RBFOX1: variants seen among roughly 807,000 people sequenced by gnomAD.
RBFOX1 encodes the protein RNA binding fox-1 homolog 1.
Under a neutral mutation model 57.7 loss-of-function variants are expected in RBFOX1, and 8 were observed. The ratio of observed to expected loss-of-function variants is 0.14; its 90% confidence interval spans 0.08 to 0.25. The LOEUF (loss-of-function observed/expected upper bound fraction) is 0.25, where lower values mean the gene tolerates loss of function less well. Among genes scored for constraint, RBFOX1 ranks in the 10% least tolerant of loss-of-function variants. The pLI is 1.00. For synonymous variants in RBFOX1, 326 were observed against 222.4 expected, an observed-to-expected ratio of 1.47 and a Z score of -4.15; for missense variants, 611 against 548.5, an observed-to-expected ratio of 1.11 and a Z score of -1.14.
At chr16:7,305,835 A>T (rs536958529) in intron 4 of RBFOX1, among the ~76,000 whole-genome samples, 1 of 152,288 alleles carries the variant, frequency 6.6e-6, no homozygotes, top group Admixed American at 6.5e-5. Flanking sequence ...TTATTGAGTA[A>T]ATCGTGCCAG....
chr16:6,483,320 C>A, intron 2 of RBFOX1: 1 of 1,429,036 alleles, frequency 7.0e-7, no homozygotes, highest in South Asian at 1.5e-5. Flanking sequence ...GCGCTCGGGG[C>A]GTTCTGCACC....
intron 3 of RBFOX1, among the ~76,000 whole-genome samples, chr16:6,963,723 G>A (rs1394246226): frequency 6.6e-6 from 1 of 152,016 alleles, no homozygotes; most frequent in Non-Finnish European, 1.5e-5. Flanking sequence ...TTTTGAGATG[G>A]AGTCTTGCTC....
intron 1 of RBFOX1, among the ~76,000 whole-genome samples, chr16:5,462,807 C>T (rs74004321): frequency 0.058 from 8,796 of 151,920 alleles, 859 homozygotes; most frequent in African/African-American, 0.2. Context: ...TTGGAGGAGG[C>T]GATGTAAGAG....
At chr16:6,880,818 C>G (rs1464798249) in intron 3 of RBFOX1, among the ~76,000 whole-genome samples, 1 of 152,076 alleles carries the variant, frequency 6.6e-6, no homozygotes, top group East Asian at 1.9e-4. Context: ...AAGAATAAAT[C>G]AATATATAAA....
intron 3 of RBFOX1, among the ~76,000 whole-genome samples, chr16:5,617,589 G>T (rs1346838190): frequency 6.6e-6 from 1 of 152,184 alleles, no homozygotes; most frequent in Admixed American, 6.5e-5. Context: ...TATGTCTTCT[G>T]CATTCTTTGG....
At chr16:5,729,396 CTTTTTT>C (rs71142649) in intron 3 of RBFOX1, among the ~76,000 whole-genome samples, 5 of 111,476 alleles carry the variant, frequency 4.5e-5, no homozygotes, top group African/African-American at 6.9e-5. Context: ...TTTTTCTTTT[CTTTTTT>C]TTTTTTTTTT....
At chr16:6,786,922 C>G (rs1299481904) in intron 3 of RBFOX1, among the ~76,000 whole-genome samples, 1 of 151,522 alleles carries the variant, frequency 6.6e-6, no homozygotes, top group Non-Finnish European at 1.5e-5. Flanking sequence ...AAAAAAAAGG[C>G]TTATTGACTC....
intron 3 of RBFOX1, among the ~76,000 whole-genome samples, chr16:6,899,456 C>T (rs370971003): frequency 1.3e-5 from 2 of 152,048 alleles, no homozygotes; most frequent in Non-Finnish European, 2.9e-5. Context: ...TGTTTACGGC[C>T]ATTGGTTGGT....
chr16:7,199,672 T>C (rs2087772854), intron 4 of RBFOX1, among the ~76,000 whole-genome samples: 1 of 152,112 alleles, frequency 6.6e-6, no homozygotes, highest in African/African-American at 2.4e-5. Context: ...GGCAGACCAA[T>C]CATTTGAGGT....
rs1343284064 is a variant in RBFOX1, at chr16:6,724,433, C to T, written c.-16+69783C>T. Among the ~76,000 whole-genome samples, 5 of 152,124 alleles carry T rather than the reference C, an allele frequency of 3.3e-5. No individual in the cohort carries two copies. In the East Asian group the frequency reaches 7.8e-4, roughly 24 times the overall value. ...CATGTTGCCAGGCTGGTCTCGAACT[C>T]CTGACCTCAGGTGATCCACCCACCT... On this transcript the variant is annotated intron_variant, in intron 3 of 15. Coordinates refer to ENST00000550418, the MANE Select transcript of RBFOX1 (RefSeq NM_018723.4).
At chr16:7,039,294 G>T (rs188190342) in intron 3 of RBFOX1, among the ~76,000 whole-genome samples, 2 of 152,094 alleles carry the variant, frequency 1.3e-5, no homozygotes, top group Non-Finnish European at 2.9e-5. Flanking sequence ...AAGCTCTTTC[G>T]TCCGTCTCCC....
At chr16:6,824,622 C>G (rs1245021016) in intron 3 of RBFOX1, among the ~76,000 whole-genome samples, 1 of 152,148 alleles carries the variant, frequency 6.6e-6, no homozygotes, top group Non-Finnish European at 1.5e-5. Context: ...ACAGATTACT[C>G]TGAAGAGAAA....
intron 1 of RBFOX1, among the ~76,000 whole-genome samples, chr16:5,433,172 T>G (rs1298718799): frequency 6.6e-6 from 1 of 152,192 alleles, no homozygotes; most frequent in Non-Finnish European, 1.5e-5. Context: ...TGTGAGCCGC[T>G]GTGCGTGGCT....
chr16:5,427,024 A>G (rs573718162), intron 1 of RBFOX1, among the ~76,000 whole-genome samples: 7 of 152,054 alleles, frequency 4.6e-5, no homozygotes, highest in African/African-American at 1.7e-4. Flanking sequence ...AGCTCCTTTC[A>G]TGCCACCTCC....
chr16:6,362,830 C>G (rs946486717), intron 2 of RBFOX1, among the ~76,000 whole-genome samples: 2 of 152,186 alleles, frequency 1.3e-5, no homozygotes, highest in Non-Finnish European at 2.9e-5. Flanking sequence ...TGACCTTCAC[C>G]CTCGAATTCG....
At chr16:5,588,276 C>T (rs776838796) in intron 2 of RBFOX1, among the ~76,000 whole-genome samples, 2 of 151,956 alleles carry the variant, frequency 1.3e-5, no homozygotes, top group African/African-American at 2.4e-5. Flanking sequence ...AAAAATGCAA[C>T]GATGGTCACA....
intron 4 of RBFOX1, among the ~76,000 whole-genome samples, chr16:7,432,436 C>G (rs1450186755): frequency 6.6e-6 from 1 of 152,196 alleles, no homozygotes; most frequent in Non-Finnish European, 1.5e-5. Context: ...GTTGTGCTTA[C>G]TGAGGCTGCT....
chr16:6,095,741 C>A (rs1044889798), intron 1 of RBFOX1, among the ~76,000 whole-genome samples: 1 of 151,898 alleles, frequency 6.6e-6, no homozygotes, highest in Non-Finnish European at 1.5e-5. Context: ...GTTGAGACAG[C>A]AGAGAAAGTC....
chr16:6,598,115 C>T (rs1426353449), intron 2 of RBFOX1, among the ~76,000 whole-genome samples: 2 of 152,218 alleles, frequency 1.3e-5, no homozygotes, highest in African/African-American at 2.4e-5. Context: ...TGCACCTATA[C>T]ATATACCAAT....
Sources: gnomAD v4.1 joint callset for allele counts (sites outside exome capture counted in the v4.1 genomes callset) on GRCh38, gnomAD v4.1.1 for gene constraint, MANE v1.5 for transcripts, NCBI Gene and HGNC (gene_info 2026-07-23, HGNC 2026-07-21) for gene names.